ARHGAP12: variants seen among roughly 807,000 people sequenced by gnomAD.
The protein encoded by ARHGAP12 is rho GTPase-activating protein 12.
Under a neutral mutation model 108.6 loss-of-function variants are expected in ARHGAP12, and 64 were observed. The ratio of observed to expected loss-of-function variants is 0.59; its 90% CI spans 0.48 to 0.73. ARHGAP12 has a LOEUF of 0.73. Ranked by LOEUF, ARHGAP12 falls within the 30% of genes least tolerant of loss-of-function variation. The pLI, the probability that ARHGAP12 is intolerant of heterozygous loss-of-function variation, is 0.00. For missense variants in ARHGAP12, 940 were observed against 1,005.9 expected (o/e 0.93, Z 0.89); for synonymous variants, 312 against 337.2 (o/e 0.93, Z 0.82).
chr10:31,820,371 GAA>G lies in ARHGAP12; in HGVS notation c.1632+14_1632+15del, dbSNP rs781517914. ...TACAGTTTAGAATGTGTTATACTTA[GAA>G]AAAAATGTATTACCTCAAATACATT... On this transcript the variant is annotated intron_variant, in intron 12 of 19. Transcript: ENST00000344936. 6.3e-7 allele frequency: 1 copy of G among 1,576,004 alleles called. No individual in the cohort carries two copies. Among genetic ancestry groups the G allele is most frequent in the Non-Finnish European group, 8.6e-7 (1 of 1,157,970 alleles).
At chr10:31,907,272 A>G (rs1400009548) in intron 3 of ARHGAP12, among the ~76,000 whole-genome samples, 1 of 151,988 alleles carries the variant, frequency 6.6e-6, no homozygotes, top group East Asian at 1.9e-4. Context: ...TACTTTTAAA[A>G]TGTCTTCACT....
chr10:31,836,921 C>T (rs1016516385), intron 9 of ARHGAP12, among the ~76,000 whole-genome samples: 4 of 151,892 alleles, frequency 2.6e-5, no homozygotes, highest in Non-Finnish European at 2.9e-5. Context: ...ATTAACATGG[C>T]GGTTTGTTTT....
intron 9 of ARHGAP12, among the ~76,000 whole-genome samples, chr10:31,833,052 T>A (rs988831173): frequency 2.0e-5 from 3 of 146,774 alleles, no homozygotes; most frequent in Non-Finnish European, 3.0e-5. Flanking sequence ...ATGTGTGAGA[T>A]TTTTTTTTTT....
chr10:31,817,819 A>AACCAATCATT lies in ARHGAP12; in HGVS notation c.1690_1699dup (p.Phe567Ter), dbSNP rs1297595829. ...ATTGATTGTACTACTAAGAACTTTA[A>AACCAATCATT]ACCAATCATTAATAACAGTGTCATT... On this transcript the variant is annotated stop_gained and frameshift_variant, in exon 13 of 20. Coordinates refer to ENST00000344936, the MANE Select transcript of ARHGAP12 (RefSeq NM_018287.7). LOFTEE classifies it high-confidence loss of function. 1 of 1,612,122 alleles carries AACCAATCATT rather than the reference A, an allele frequency of 6.2e-7. No individual in the cohort carries two copies. The highest frequency in any genetic ancestry group is 2.2e-5 in the East Asian group (1 of 44,750).
At position 31,928,738 on chromosome 10, in the gene ARHGAP12, G is replaced by A. The variant is rs1257104638; in HGVS notation, c.-166C>T. ...TCCCTTCTTAGTCCGCCCCGCGGCT[G>A]CGGGTCGACGACGCGAGCCCGAAGA... is the stretch of plus-strand genomic sequence containing the variant. On this transcript the variant is annotated 5_prime_UTR_variant, in exon 1 of 20. Coordinates refer to ENST00000344936, the MANE Select transcript of ARHGAP12 (RefSeq NM_018287.7). 6.6e-6 allele frequency: 1 copy of A among 152,010 alleles called. No homozygotes were observed. Among genetic ancestry groups the A allele is most frequent in the African/African-American group, 2.4e-5 (1 of 41,406 alleles). 9.4% of individuals were successfully genotyped at this position (152,010 alleles called of 1,614,324 possible).
At chr10:31,889,619 G>GTTTTTTTTTTTTTTTTTATTTTTTTTT (rs1838332816) in intron 3 of ARHGAP12, among the ~76,000 whole-genome samples, 1 of 66,422 alleles carries the variant, frequency 1.5e-5, no homozygotes, top group Non-Finnish European at 2.6e-5. Flanking sequence ...AATTTTTCTC[G>GTTTTTTTTTTTTTTTTTATTTTTTTTT]TTTTTTTTTT....
chr10:31,866,550 A>C (rs1206236811), intron 3 of ARHGAP12, among the ~76,000 whole-genome samples: 1 of 152,174 alleles, frequency 6.6e-6, no homozygotes, highest in Non-Finnish European at 1.5e-5. Flanking sequence ...AACACTGGGA[A>C]TAATACAAGA....
chr10:31,851,737 T>G (rs1017891122), intron 6 of ARHGAP12, among the ~76,000 whole-genome samples: 2 of 152,140 alleles, frequency 1.3e-5, no homozygotes, highest in Non-Finnish European at 2.9e-5. Flanking sequence ...TAACATCTAG[T>G]CATTTTTTCT....
intron 2 of ARHGAP12, 85 bp from the exon 3 acceptor site, chr10:31,909,011 A>C: frequency 1.4e-6 from 1 of 694,068 alleles, no homozygotes; most frequent in South Asian, 2.3e-5. Context: ...ATCATATAGT[A>C]TAGGCCATTT....
chr10:31,909,160 A>C (rs1473761480), intron 2 of ARHGAP12, among the ~76,000 whole-genome samples: 1 of 151,950 alleles, frequency 6.6e-6, no homozygotes, highest in African/African-American at 2.4e-5. Context: ...AAAGCCGATA[A>C]CTGGAACAGT....
chr10:31,928,359 C>A (rs985535977), intron 1 of ARHGAP12, among the ~76,000 whole-genome samples: 59 of 151,276 alleles, frequency 3.9e-4, no homozygotes, highest in Middle Eastern at 3.4e-3. Flanking sequence ...CGGGCGCTGC[C>A]CTCACACAGG....
At chr10:31,835,854 G>A (rs1314657726) in intron 9 of ARHGAP12, among the ~76,000 whole-genome samples, 1 of 152,106 alleles carries the variant, frequency 6.6e-6, no homozygotes, top group Non-Finnish European at 1.5e-5. Flanking sequence ...GACTGGGGAG[G>A]GTGAAATGGG....
intron 3 of ARHGAP12, among the ~76,000 whole-genome samples, chr10:31,893,444 A>G (rs1192114406): frequency 6.6e-6 from 1 of 152,214 alleles, no homozygotes; most frequent in Non-Finnish European, 1.5e-5. Flanking sequence ...AATACAAACT[A>G]CCATCAGAGA....
intron 10 of ARHGAP12, among the ~76,000 whole-genome samples, chr10:31,829,126 T>C (rs1271382061): frequency 6.6e-6 from 1 of 151,952 alleles, no homozygotes; most frequent in Admixed American, 6.6e-5. Context: ...CACTCCAGCC[T>C]GGGCGAGAGA....
chr10:31,817,079 G>A (rs1446623997), intron 13 of ARHGAP12, among the ~76,000 whole-genome samples: 1 of 152,064 alleles, frequency 6.6e-6, no homozygotes, highest in Admixed American at 6.6e-5. Flanking sequence ...AGGCACAGTG[G>A]AGCACACTTG....
chr10:31,915,594 T>G (rs1332025660), intron 1 of ARHGAP12, among the ~76,000 whole-genome samples: 1 of 152,146 alleles, frequency 6.6e-6, no homozygotes, highest in African/African-American at 2.4e-5. Context: ...GGATGTGTGC[T>G]CTCACCACTA....
intron 3 of ARHGAP12, among the ~76,000 whole-genome samples, chr10:31,899,952 G>T (rs1384467866): frequency 1.3e-5 from 2 of 152,096 alleles, no homozygotes; most frequent in African/African-American, 4.8e-5. Flanking sequence ...CAGACTGGAA[G>T]TATTTGTAAA....
At chr10:31,883,038 G>C (rs1265688691) in intron 3 of ARHGAP12, among the ~76,000 whole-genome samples, 2 of 152,076 alleles carry the variant, frequency 1.3e-5, no homozygotes, top group Non-Finnish European at 2.9e-5. Flanking sequence ...GCTCACACCT[G>C]TAATCCCAGC....
chr10:31,902,904 AG>A, intron 3 of ARHGAP12, among the ~76,000 whole-genome samples: 2 of 152,258 alleles, frequency 1.3e-5, no homozygotes, highest in Middle Eastern at 3.4e-3. Context: ...AGAGTAAAGC[AG>A]ATTGCCCTCC....
Sources: allele counts gnomAD v4.1 joint callset (sites outside exome capture counted in the v4.1 genomes callset), GRCh38; gene constraint gnomAD v4.1.1; transcripts MANE v1.5; gene names NCBI Gene and HGNC (gene_info 2026-07-23, HGNC 2026-07-21).